The following CTNNA2 variants were observed in gnomAD, a reference collection of about 807,000 sequenced individuals.
CTNNA2 encodes catenin alpha 2, also known as catenin alpha-2.
CTNNA2 carries 42 observed loss-of-function variants against 101.0 expected under a neutral mutation model. The ratio of observed to expected loss-of-function variants is 0.42; its 90% CI spans 0.32 to 0.54. CTNNA2 has a LOEUF of 0.54. Ranked by LOEUF, CTNNA2 falls within the 20% of genes least tolerant of loss-of-function variation. The pLI is 0.14. For synonymous variants in CTNNA2, 450 were observed against 456.4 expected, an observed-to-expected ratio of 0.99 and a Z score of 0.18; for missense variants, 871 against 1,223.1, an observed-to-expected ratio of 0.71 and a Z score of 4.29.
At chr2:80,535,325 T>C (rs1465606576) in intron 9 of CTNNA2, among the ~76,000 whole-genome samples, 1 of 152,222 alleles carries the variant, frequency 6.6e-6, no homozygotes, top group Non-Finnish European at 1.5e-5. Flanking sequence ...GAATGAGTGA[T>C]CAATGATTGG....
chr2:80,096,163 A>T (rs1700137131), intron 7 of CTNNA2, among the ~76,000 whole-genome samples: 1 of 152,020 alleles, frequency 6.6e-6, no homozygotes, highest in Non-Finnish European at 1.5e-5. Flanking sequence ...TTCCCTCTAC[A>T]CACTGCTTTG....
At chr2:79,566,489 C>T (rs528780318) in intron 1 of CTNNA2, among the ~76,000 whole-genome samples, 1 of 152,176 alleles carries the variant, frequency 6.6e-6, no homozygotes, top group African/African-American at 2.4e-5. Context: ...CTATTATTTT[C>T]AGGGAAGTCA....
intron 9 of CTNNA2, among the ~76,000 whole-genome samples, chr2:80,458,084 G>T (rs1319187054): frequency 1.3e-5 from 2 of 152,280 alleles, no homozygotes; most frequent in East Asian, 3.9e-4. Context: ...GGTGCCAAGA[G>T]ACTTAACTAA....
At chr2:80,369,565 C>T (rs1230520854) in intron 7 of CTNNA2, among the ~76,000 whole-genome samples, 1 of 151,954 alleles carries the variant, frequency 6.6e-6, no homozygotes, top group Non-Finnish European at 1.5e-5. Context: ...TGTTATGGCT[C>T]TCAAAGGATA....
rs1245581989 is a variant in CTNNA2 at position 79,569,068 on chromosome 2, A to G, written c.-6+55861A>G. Among the ~76,000 whole-genome samples, 6 of 152,142 alleles carry G rather than the reference A, an allele frequency of 3.9e-5. No homozygotes were observed. The South Asian group carries it at 1.2e-3, about 32-fold the overall frequency. ...AAAATGACATAATATTAACGTTTCT[A>G]TTTTTATATGAAGAAGTCTATTTAA... On this transcript the variant is annotated intron_variant, in intron 1 of 18. Transcript: ENST00000402739.
intron 9 of CTNNA2, among the ~76,000 whole-genome samples, chr2:80,496,861 A>C (rs1457506939): frequency 1.3e-5 from 2 of 152,212 alleles, no homozygotes; most frequent in Non-Finnish European, 2.9e-5. Context: ...TTGAAAAATT[A>C]GTGCTTTCCA....
intron 7 of CTNNA2, among the ~76,000 whole-genome samples, chr2:80,154,087 C>G (rs1251550940): frequency 6.6e-6 from 1 of 152,142 alleles, no homozygotes; most frequent in East Asian, 1.9e-4. Flanking sequence ...GCTGATACAA[C>G]ATTAGTACTT....
At chr2:80,060,773 A>T (rs1006129791) in intron 7 of CTNNA2, among the ~76,000 whole-genome samples, 11 of 152,156 alleles carry the variant, frequency 7.2e-5, no homozygotes, top group Non-Finnish European at 1.3e-4. Context: ...TTTGCCATCC[A>T]TTTCTCCCTG....
chr2:79,629,254 A>G (rs1281788282), intron 1 of CTNNA2, among the ~76,000 whole-genome samples: 1 of 126,004 alleles, frequency 7.9e-6, no homozygotes, highest in African/African-American at 3.2e-5. Flanking sequence ...TTAATGGTTA[A>G]TATAAAATTG....
At chr2:80,075,621 TAAA>T (rs1558783452) in intron 7 of CTNNA2, among the ~76,000 whole-genome samples, 1,648 of 59,974 alleles carry the variant, frequency 0.027, 55 homozygotes, top group Admixed American at 0.041. Flanking sequence ...TGTATAAATA[TAAA>T]TATTTATACA....
chr2:80,647,731 G>A lies in CTNNA2; in HGVS notation c.2721G>A (p.Lys907=). 1 of 1,613,562 alleles carries A rather than the reference G, an allele frequency of 6.2e-7. No individual in the cohort carries two copies. The highest frequency in any genetic ancestry group is 1.7e-5 in the Admixed American group (1 of 59,966). The change falls in exon 19 of 19, where the codon AAG becomes AAA. Residue 907 remains lysine (K), a synonymous_variant. Coordinates refer to ENST00000402739, the MANE Select transcript of CTNNA2 (RefSeq NM_001282597.3). ...AAVNSPVVSW[K]MKAPEKKPLV... Reference sequence around the variant, plus strand: ...TCAACTCACCTGTTGTGTCTTGGAAGATGAAGGCTCCAGAGAAGAAGCCCC... The same window carrying A: ...TCAACTCACCTGTTGTGTCTTGGAAAATGAAGGCTCCAGAGAAGAAGCCCC...
At chr2:79,888,380 G>C (rs1048038122) in intron 6 of CTNNA2, among the ~76,000 whole-genome samples, 4 of 152,066 alleles carry the variant, frequency 2.6e-5, no homozygotes, top group Non-Finnish European at 5.9e-5. Context: ...GACACCTCTT[G>C]TATAGGTTAT....
intron 7 of CTNNA2, among the ~76,000 whole-genome samples, chr2:80,076,425 T>A (rs1698756597): frequency 1.3e-5 from 2 of 152,024 alleles, no homozygotes; most frequent in Non-Finnish European, 2.9e-5. Flanking sequence ...ACCACAGATA[T>A]GTGCCACCAT....
Position 79,683,182 on chromosome 2 carries a change from C to A in CTNNA2, c.102+31524C>A, listed in dbSNP as rs543516397. On this transcript the variant is annotated intron_variant, in intron 2 of 18. Transcript: ENST00000402739. The stretch of plus-strand genomic sequence containing the variant: ...CTGCCTGCTTAATACTGGGCCCATC[C>A]CCTACCCCTACATGCCAGGTAACTG... 1.4e-4 allele frequency among the ~76,000 whole-genome samples: 21 copies of A among 152,274 alleles called. No homozygotes were observed. The South Asian group carries it at 1.5e-3, about 11-fold the overall frequency.
chr2:80,483,411 AAGT>A (rs1332321661), intron 9 of CTNNA2, among the ~76,000 whole-genome samples: 1 of 150,052 alleles, frequency 6.7e-6, no homozygotes, highest in Non-Finnish European at 1.5e-5. Context: ...TATTTAATAA[AAGT>A]AGATTATTTA....
rs1158063793 is a variant in CTNNA2, at chr2:79,722,742, C to T, written c.103-21645C>T. On this transcript the variant is annotated intron_variant, in intron 2 of 18. Coordinates refer to ENST00000402739, the MANE Select transcript of CTNNA2 (RefSeq NM_001282597.3). ...ACATGAACTATGTCTGTTTTGTTCACCTGAGTAGAGTCATTGCCTGTGTCC... is the reference window on the plus strand; with the variant it reads ...ACATGAACTATGTCTGTTTTGTTCATCTGAGTAGAGTCATTGCCTGTGTCC... 2.0e-5 allele frequency among the ~76,000 whole-genome samples: 3 copies of T among 152,264 alleles called. No homozygotes were observed. The East Asian group carries it at 5.8e-4, about 29-fold the overall frequency.
At chr2:79,603,605 C>T (rs966858384) in intron 1 of CTNNA2, among the ~76,000 whole-genome samples, 3 of 152,080 alleles carry the variant, frequency 2.0e-5, no homozygotes, top group African/African-American at 7.2e-5. Context: ...TCAGAACAGG[C>T]AACTGTCATA....
At position 79,855,186 on chromosome 2, in the gene CTNNA2, GTC is replaced by G. The variant is rs146110400; in HGVS notation, c.299-2813_299-2812del. On this transcript the variant is annotated intron_variant, in intron 3 of 18. Coordinates refer to ENST00000402739, the MANE Select transcript of CTNNA2 (RefSeq NM_001282597.3). ...AGGCAGATGGCATTTTCTAATGTGG[GTC>G]TCTCTCTCTCTCTGTCTTTCTCTTT... 1.2e-4 allele frequency among the ~76,000 whole-genome samples: 18 copies of G among 151,240 alleles called. No individual in the cohort carries two copies. In the East Asian group the frequency reaches 1.9e-3, roughly 16 times the overall value.
intron 4 of CTNNA2, among the ~76,000 whole-genome samples, chr2:79,415,327 C>T (rs888306259): frequency 6.6e-6 from 1 of 152,138 alleles, no homozygotes; most frequent in Non-Finnish European, 1.5e-5. Flanking sequence ...TTCCTGAGAC[C>T]CATACCAAGA....
Sources: allele counts gnomAD v4.1 joint callset (sites outside exome capture counted in the v4.1 genomes callset), GRCh38; gene constraint gnomAD v4.1.1; transcripts MANE v1.5; gene names NCBI Gene and HGNC (gene_info 2026-07-23, HGNC 2026-07-21).